The following ZBBX variants were observed in gnomAD, a reference collection of about 807,000 sequenced individuals.
The protein encoded by ZBBX is zinc finger B-box domain-containing protein 1.
ZBBX carries 101 observed loss-of-function variants against 108.5 expected under a neutral mutation model. That is an observed-to-expected ratio of 0.93 (90% CI 0.79 to 1.10). The LOEUF is 1.10. ZBBX is among the 50% of genes least tolerant of loss of function. ZBBX has a pLI of 0.00. For missense variants in ZBBX, 1,009 were observed against 941.4 expected, an observed-to-expected ratio of 1.07 and a Z score of -0.94; for synonymous variants, 356 against 323.4, an observed-to-expected ratio of 1.10 and a Z score of -1.08.
chr3:167,190,110 T>A, the ZBBX span, among the ~76,000 whole-genome samples: 1 of 152,158 alleles, frequency 6.6e-6, no homozygotes, highest in South Asian at 2.1e-4. Flanking sequence ...TGAAATTACA[T>A]CCTTTTTCAT....
At position 167,276,753 on chromosome 3, in the gene ZBBX, G is replaced by A. The variant is rs538680064; in HGVS notation, c.2254+5485C>T. On this transcript the variant is annotated intron_variant, in intron 20 of 21. Transcript: ENST00000675490. ...CAGGAAATATAGAGAACGCCACAAA[G>A]ATATTCCTCGAGAAGAGCAACTCCA... is the stretch of plus-strand genomic sequence containing the variant. Among the ~76,000 whole-genome samples, 937 of 152,236 alleles carry A rather than the reference G, an allele frequency of 6.2e-3. 7 individuals carry two copies. Among genetic ancestry groups the A allele is most frequent in the African/African-American group, 0.022 (909 of 41,536 alleles).
At chr3:167,260,406 G>A (rs965185490) in intron 20 of ZBBX, among the ~76,000 whole-genome samples, 2 of 152,050 alleles carry the variant, frequency 1.3e-5, no homozygotes, top group African/African-American at 4.8e-5. Flanking sequence ...AGTTTTCCTC[G>A]ATTATTCCCC....
chr3:167,363,623 TTCCTC>T lies in ZBBX; in HGVS notation c.273+2258_273+2262del, dbSNP rs200877381. 9.1e-3 allele frequency among the ~76,000 whole-genome samples: 1,387 copies of T among 152,162 alleles called. 68 individuals carry two copies. Among genetic ancestry groups the T allele is most frequent in the Admixed American group, 0.085 (1,298 of 15,234 alleles). ...CCTCTTTCATCTACATTTTGACTCTTTCCTCTACTAGGATGTCCATCTTTCATTCT... is the reference window on the plus strand; with the variant it reads ...CCTCTTTCATCTACATTTTGACTCTTTACTAGGATGTCCATCTTTCATTCT... On this transcript the variant is annotated intron_variant, in intron 6 of 21. Coordinates refer to ENST00000675490, the MANE Select transcript of ZBBX (RefSeq NM_001199201.2).
chr3:167,298,425 T>C lies in ZBBX; in HGVS notation c.1759A>G (p.Ile587Val), dbSNP rs949241687. 2.6e-6 allele frequency: 4 copies of C among 1,547,350 alleles called. No individual in the cohort carries two copies. Among genetic ancestry groups the C allele is most frequent in the Admixed American group, 1.8e-5 (1 of 55,236 alleles). Residue 587 changes from isoleucine (I) to valine (V), a missense_variant, in exon 18 of 22, where the codon ATA becomes GTA. Physicochemically the swap from Ile to Val is conservative, Grantham distance 29. Transcript: ENST00000675490. ...LQEIACRSKP[I>V]TKQYQGLERF... Reference sequence around the variant, plus strand: ...TCAAGTCCTTGATATTGTTTTGTTATAGGCTTACTTCTGCAGGCTATTTCT... The same window carrying C: ...TCAAGTCCTTGATATTGTTTTGTTACAGGCTTACTTCTGCAGGCTATTTCT...
chr3:167,312,985 A>G (rs1734842473), intron 16 of ZBBX, among the ~76,000 whole-genome samples: 1 of 152,234 alleles, frequency 6.6e-6, no homozygotes, highest in South Asian at 2.1e-4. Context: ...AATTCTAGGT[A>G]GATCAAATCT....
the ZBBX span, among the ~76,000 whole-genome samples, chr3:167,183,575 C>T: frequency 3.3e-5 from 5 of 152,214 alleles, no homozygotes; most frequent in East Asian, 3.9e-4. Context: ...ACATATTTAT[C>T]GACAGGAAGC....
chr3:167,212,115 C>T, the ZBBX span, among the ~76,000 whole-genome samples: 3 of 151,766 alleles, frequency 2.0e-5, no homozygotes, highest in Admixed American at 6.6e-5. Context: ...TGGGACAAAG[C>T]TCCCAGGGGA....
chr3:167,213,570 C>T, the ZBBX span, among the ~76,000 whole-genome samples: 1 of 152,170 alleles, frequency 6.6e-6, no homozygotes. Flanking sequence ...CTATGAATCA[C>T]TGGCACCCCT....
chr3:167,377,089 A>G (rs180789986), intron 2 of ZBBX, among the ~76,000 whole-genome samples: 37 of 152,238 alleles, frequency 2.4e-4, no homozygotes, highest in African/African-American at 8.9e-4. Context: ...TAGTTACCTG[A>G]TTTATTAGAC....
intron 8 of ZBBX, among the ~76,000 whole-genome samples, chr3:167,354,828 C>T (rs909495665): frequency 1.1e-4 from 17 of 151,890 alleles, no homozygotes; most frequent in Admixed American, 6.6e-5. Flanking sequence ...CTGTTAACAA[C>T]ATACTTTTAG....
Position 167,240,867 on chromosome 3 carries a change from T to G in ZBBX, c.2446A>C (p.Ser816Arg). The part of the protein sequence containing the change: ...IQSLLSLSES[S>R]TDEEEEDFLN... The stretch of plus-strand genomic sequence containing the variant: ...AAATCTTCCTCCTCCTCATCTGTAC[T>G]GCTCTCAGAAAGTGACAGCAAAGAC... Residue 816 changes from serine to arginine, a missense_variant, in exon 22 of 22, where the codon AGT becomes CGT. Coordinates refer to ENST00000675490, the MANE Select transcript of ZBBX (RefSeq NM_001199201.2). The G allele has an allele frequency of 6.2e-7, 1 of 1,613,640 alleles. No homozygotes were observed. Among genetic ancestry groups the G allele is most frequent in the Non-Finnish European group, 8.5e-7 (1 of 1,179,610 alleles).
At chr3:167,333,427 G>C (rs1289562416) in intron 10 of ZBBX, among the ~76,000 whole-genome samples, 4 of 152,108 alleles carry the variant, frequency 2.6e-5, no homozygotes, top group African/African-American at 9.7e-5. Context: ...TTATATAACT[G>C]TGCAATTGCC....
At chr3:167,372,142 T>C (rs1577115628) in intron 4 of ZBBX, among the ~76,000 whole-genome samples, 1 of 150,932 alleles carries the variant, frequency 6.6e-6, no homozygotes, top group Non-Finnish European at 1.5e-5. Flanking sequence ...GGCCGGGAGG[T>C]GGAGGTTGCA....
At position 167,368,591 on chromosome 3, in the gene ZBBX, T is replaced by C. The variant is rs372626285; in HGVS notation, c.69-17A>G. The stretch of plus-strand genomic sequence containing the variant: ...TGAGCATTTCTGAAGACATAAGATT[T>C]AAATGGAGAAAGCAGAAAAACAAGC... On this transcript the variant is annotated splice_polypyrimidine_tract_variant and intron_variant, in intron 4 of 21. Coordinates refer to ENST00000675490, the MANE Select transcript of ZBBX (RefSeq NM_001199201.2). 81 of 1,551,044 alleles carry C rather than the reference T, an allele frequency of 5.2e-5. No homozygotes were observed. The highest frequency in any genetic ancestry group is 2.6e-4 in the South Asian group (21 of 79,376).
chr3:167,372,494 G>A (rs1168398784), intron 4 of ZBBX, among the ~76,000 whole-genome samples: 1 of 152,074 alleles, frequency 6.6e-6, no homozygotes, highest in Non-Finnish European at 1.5e-5. Flanking sequence ...TCTATTTCCT[G>A]GTTAGGGTCT....
At chr3:167,231,622 T>C in the ZBBX span, among the ~76,000 whole-genome samples, 2 of 151,766 alleles carry the variant, frequency 1.3e-5, no homozygotes. Context: ...AAAATATTTG[T>C]GAGAGGAAAA....
intron 20 of ZBBX, among the ~76,000 whole-genome samples, chr3:167,255,053 C>T (rs1027741627): frequency 1.3e-4 from 19 of 151,814 alleles, no homozygotes; most frequent in Admixed American, 6.6e-4. Flanking sequence ...GGCCAATTTG[C>T]CATCTAAATA....
At chr3:167,237,703 C>T (rs922824234), downstream of ZBBX, among the ~76,000 whole-genome samples, 1 of 151,986 alleles carries the variant, frequency 6.6e-6, no homozygotes, top group Admixed American at 6.6e-5. Flanking sequence ...CAGAAGGGGG[C>T]CTAGTCTACG....
chr3:167,191,661 G>A, the ZBBX span, among the ~76,000 whole-genome samples: 8 of 151,846 alleles, frequency 5.3e-5, no homozygotes, highest in African/African-American at 9.7e-5. Flanking sequence ...CCCCAGCCAC[G>A]TGGAACTGTG....
Sources: gnomAD v4.1 joint callset for allele counts (sites outside exome capture counted in the v4.1 genomes callset) on GRCh38, gnomAD v4.1.1 for gene constraint, MANE v1.5 for transcripts, NCBI Gene and HGNC (gene_info 2026-07-23, HGNC 2026-07-21) for gene names.